Variants in FAM161A observed in about 807,000 individuals in gnomAD.
The protein encoded by FAM161A is FAM161 centrosomal protein A.
Under a neutral mutation model 70.9 loss-of-function variants are expected in FAM161A, and 57 were observed. The ratio of observed to expected loss-of-function variants is 0.80; its 90% CI spans 0.65 to 1.00. FAM161A has a LOEUF of 1.00. Among genes scored for constraint, FAM161A ranks in the 50% least tolerant of loss-of-function variants. The pLI, the probability that FAM161A is intolerant of heterozygous loss-of-function variation, is 0.00. For synonymous variants in FAM161A, 299 were observed against 295.7 expected (o/e 1.01, Z -0.12); for missense variants, 880 against 836.0 (o/e 1.05, Z -0.65).
the FAM161A span, among the ~76,000 whole-genome samples, chr2:61,801,496 C>CAA: frequency 5.2e-4 from 67 of 128,146 alleles, 1 homozygote; most frequent in Middle Eastern, 4.2e-3. Context: ...GGCTCCGTCT[C>CAA]AAAAAAAAAA....
chr2:61,839,343 A>T, intron 3 of FAM161A, 78 bp downstream of exon 3: 1 of 1,306,010 alleles, frequency 7.7e-7, no homozygotes, highest in South Asian at 1.2e-5. Context: ...TTTCAAATTT[A>T]CCAACATAAA....
chr2:61,836,466 T>C (rs922204278), intron 4 of FAM161A: 10 of 168,896 alleles, frequency 5.9e-5, no homozygotes, highest in Non-Finnish European at 5.1e-5. Flanking sequence ...CATTTATAAG[T>C]GTATAAAACC....
chr2:61,819,935 A>G (rs1254707809), downstream of FAM161A, among the ~76,000 whole-genome samples: 3 of 152,072 alleles, frequency 2.0e-5, no homozygotes, highest in Admixed American at 6.6e-5. Flanking sequence ...TTAATGTCTT[A>G]TTTTGCATTT....
the FAM161A span, among the ~76,000 whole-genome samples, chr2:61,813,015 A>G: frequency 2.0e-5 from 3 of 152,190 alleles, no homozygotes; most frequent in South Asian, 6.2e-4. Context: ...GTGAGCCGAG[A>G]TCATGCCACT....
the FAM161A span, among the ~76,000 whole-genome samples, chr2:61,812,795 C>T: frequency 2.6e-5 from 4 of 152,022 alleles, no homozygotes; most frequent in Admixed American, 6.6e-5. Flanking sequence ...ACTGGCCGGG[C>T]GCGGTGGCTC....
chr2:61,814,754 C>T, the FAM161A span, among the ~76,000 whole-genome samples: 1 of 152,134 alleles, frequency 6.6e-6, no homozygotes, highest in Non-Finnish European at 1.5e-5. Context: ...TCAGGACCCC[C>T]TTCATGAATA....
At chr2:61,839,267 C>T (rs928042011) in intron 3 of FAM161A, among the ~76,000 whole-genome samples, 154 bp downstream of exon 3, 12 of 138,732 alleles carry the variant, frequency 8.6e-5, no homozygotes, top group South Asian at 4.9e-4. Flanking sequence ...TTAGAATACC[C>T]TCTGACAAAA....
At chr2:61,853,737 G>C (rs986631514) in intron 1 of FAM161A, 122 bp downstream of exon 1, 1 of 1,022,392 alleles carries the variant, frequency 9.8e-7, no homozygotes, top group Non-Finnish European at 1.4e-6. Flanking sequence ...CCACCAAGTA[G>C]GGACTATGTG....
chr2:61,828,603 C>T (rs1342746824), intron 5 of FAM161A, among the ~76,000 whole-genome samples: 1 of 152,216 alleles, frequency 6.6e-6, no homozygotes, highest in Admixed American at 6.5e-5. Context: ...GCTGGGATTA[C>T]AGGCATGAGC....
chr2:61,848,872 A>T (rs867555473), intron 1 of FAM161A, among the ~76,000 whole-genome samples: 1 of 21,484 alleles, frequency 4.7e-5, no homozygotes, highest in Non-Finnish European at 7.6e-5. Context: ...TTATATATAT[A>T]TTTATATATA....
chr2:61,810,650 G>A, the FAM161A span, among the ~76,000 whole-genome samples: 2 of 151,548 alleles, frequency 1.3e-5, no homozygotes, highest in African/African-American at 4.8e-5. Context: ...AGTAAAGAGG[G>A]GGTTTCTCCA....
At chr2:61,852,129 A>T (rs563413830) in intron 1 of FAM161A, among the ~76,000 whole-genome samples, 146 of 150,406 alleles carry the variant, frequency 9.7e-4, no homozygotes, top group Non-Finnish European at 1.7e-3. Context: ...TGGATCCCTC[A>T]TGTGTGGTGG....
Position 61,840,112 on chromosome 2 carries a change from C to T in FAM161A, c.892G>A (p.Asp298Asn). Reference protein sequence around the residue: ...PASVFLPLYHDLVKQKEERRR... With the variant: ...PASVFLPLYHNLVKQKEERRR... ...CGTTCTTCTTTTTGCTTGACTAAAT[C>T]ATGGTAAAGGGGGAGAAAGACAGAT... is the stretch of plus-strand genomic sequence containing the variant. Residue 298 changes from aspartate to asparagine, a missense_variant, in exon 3 of 7, where the codon GAT becomes AAT. Physicochemically the swap from Asp to Asn is conservative, Grantham distance 23. Coordinates refer to ENST00000404929, the MANE Select transcript of FAM161A (RefSeq NM_001201543.2). 6.2e-7 allele frequency: 1 copy of T among 1,614,150 alleles called. No individual in the cohort carries two copies. The highest frequency in any genetic ancestry group is 8.5e-7 in the Non-Finnish European group (1 of 1,180,038).
At chr2:61,820,361 G>C (rs1278571380), downstream of FAM161A, 1 of 754,706 alleles carries the variant, frequency 1.3e-6, no homozygotes, top group Non-Finnish European at 2.4e-6. Context: ...AAGTGCTCCA[G>C]GGGCTTTGGG....
rs773363467 is a variant in FAM161A, at chr2:61,853,929, G to A, written c.113C>T (p.Ala38Val). The A allele has an allele frequency of 9.3e-6, 15 of 1,613,878 alleles. No homozygotes were observed. Among genetic ancestry groups the A allele is most frequent in the Non-Finnish European group, 1.3e-5 (15 of 1,179,870 alleles). ...AQYEREDPLK[A>V]LAAAEAILED... ...CAAGATCGCCTCCGCTGCCGCCAGG[G>A]CCTTTAAGGGGTCTTCGCGTTCGTA... The change falls in exon 1 of 7, where the codon GCC (alanine) becomes GTC (valine). Residue 38 changes from alanine (A) to valine (V), a missense_variant. Transcript: ENST00000404929.
chr2:61,816,078 C>T, the FAM161A span, among the ~76,000 whole-genome samples: 1 of 152,264 alleles, frequency 6.6e-6, no homozygotes, highest in Admixed American at 6.5e-5. Flanking sequence ...TTGCTTTCCC[C>T]ACAATCCCCA....
the FAM161A span, among the ~76,000 whole-genome samples, chr2:61,805,121 C>T: frequency 5.9e-3 from 900 of 152,240 alleles, 14 homozygotes; most frequent in African/African-American, 0.021. Flanking sequence ...TAACCAATTG[C>T]AAATCAGAAA....
At chr2:61,850,466 G>A (rs561499494) in intron 1 of FAM161A, among the ~76,000 whole-genome samples, 1 of 152,198 alleles carries the variant, frequency 6.6e-6, no homozygotes, top group South Asian at 2.1e-4. Context: ...TATATCGACA[G>A]TGGAGCCAGG....
At chr2:61,845,730 G>C (rs1430026197) in intron 1 of FAM161A, among the ~76,000 whole-genome samples, 1 of 151,980 alleles carries the variant, frequency 6.6e-6, no homozygotes, top group Non-Finnish European at 1.5e-5. Context: ...AGGAGGTTGA[G>C]GCTGCAGTGA....
Sources: allele counts gnomAD v4.1 joint callset (sites outside exome capture counted in the v4.1 genomes callset), GRCh38; gene constraint gnomAD v4.1.1; transcripts MANE v1.5; gene names NCBI Gene and HGNC (gene_info 2026-07-23, HGNC 2026-07-21).